Variants in CHRDL1 observed in about 807,000 individuals in gnomAD.
The protein encoded by CHRDL1 is chordin like 1, also known as chordin-like protein 1.
A neutral mutation model predicts 40.9 loss-of-function variants in CHRDL1; 19 were observed. That is an observed-to-expected ratio of 0.46 (90% CI 0.32 to 0.68). CHRDL1 has a LOEUF of 0.68. CHRDL1 is among the 30% of genes least tolerant of loss of function. The probability of loss-of-function intolerance (pLI) is 0.03; values close to 1 mark genes in which losing one functional copy is unlikely to be tolerated. For synonymous variants in CHRDL1, 136 were observed against 123.4 expected (o/e 1.10, Z -0.68); for missense variants, 329 against 352.1 (o/e 0.93, Z 0.53).
intron 2 of CHRDL1, among the ~76,000 whole-genome samples, chrX:110,773,506 A>T (rs1310981795): frequency 9.0e-6 from 1 of 110,585 alleles, no homozygotes; most frequent in Non-Finnish European, 1.9e-5. Flanking sequence ...AGGCGGGCGA[A>T]TCACGAGTTA....
chrX:110,729,372 G>C (rs918806287), intron 4 of CHRDL1, among the ~76,000 whole-genome samples: 1 of 108,058 alleles, frequency 9.3e-6, no homozygotes, highest in East Asian at 2.9e-4. Context: ...GCCTCTTGAT[G>C]TGATGACTTA....
At chrX:110,741,800 C>T (rs1369381190) in intron 4 of CHRDL1, among the ~76,000 whole-genome samples, 1 of 111,918 alleles carries the variant, frequency 8.9e-6, no homozygotes, top group Non-Finnish European at 1.9e-5. Flanking sequence ...ATCACTCCTT[C>T]ATTTGGTGGC....
intron 8 of CHRDL1, among the ~76,000 whole-genome samples, chrX:110,693,052 G>A (rs1171098165): frequency 1.8e-5 from 2 of 111,714 alleles, no homozygotes; most frequent in Non-Finnish European, 3.8e-5. Flanking sequence ...GGAAACAGCT[G>A]AGCCCTTGCT....
rs187346169 is a variant in CHRDL1, at chrX:110,694,738, C to A, written c.610-407G>T. On this transcript the variant is annotated intron_variant, in intron 7 of 11. Transcript: ENST00000372042. Reference sequence around the variant, plus strand: ...TGCAGAAGAAGTAAGCAGTCCTGTGCAAATCAGAAGGAGAAAGAGAGAGCT... The same window carrying A: ...TGCAGAAGAAGTAAGCAGTCCTGTGAAAATCAGAAGGAGAAAGAGAGAGCT... Among the ~76,000 whole-genome samples the A allele has an allele frequency of 3.4e-3, 381 of 112,038 alleles. 1 individual carries two copies. The highest frequency in any genetic ancestry group is 0.012 in the African/African-American group (365 of 30,865).
chrX:110,710,576 T>C (rs1447728129), intron 6 of CHRDL1, among the ~76,000 whole-genome samples: 1 of 112,343 alleles, frequency 8.9e-6, no homozygotes, highest in Admixed American at 9.4e-5. Flanking sequence ...ACTGTCTGAA[T>C]GACTTTCTAT....
At chrX:110,769,306 C>A (rs186417579) in intron 2 of CHRDL1, among the ~76,000 whole-genome samples, 1 of 112,336 alleles carries the variant, frequency 8.9e-6, no homozygotes, top group Admixed American at 9.4e-5. Context: ...ATAATAAACA[C>A]ACAAATTTTC....
chrX:110,794,584 A>G (rs1393572304), intron 1 of CHRDL1, among the ~76,000 whole-genome samples: 2 of 112,874 alleles, frequency 1.8e-5, no homozygotes, highest in Non-Finnish European at 1.9e-5. Context: ...TGAAACAAGC[A>G]TTCACATTGT....
intron 4 of CHRDL1, among the ~76,000 whole-genome samples, chrX:110,735,908 C>G (rs1379465362): frequency 8.9e-6 from 1 of 112,636 alleles, no homozygotes; most frequent in Admixed American, 9.4e-5. Flanking sequence ...GAGCCCATTG[C>G]TATCACATTA....
intron 11 of CHRDL1, among the ~76,000 whole-genome samples, chrX:110,677,127 A>G (rs1485037975): frequency 9.1e-6 from 1 of 109,974 alleles, no homozygotes; most frequent in Non-Finnish European, 1.9e-5. Flanking sequence ...AGTTAAGCCA[A>G]CTCCTCTTAA....
chrX:110,740,361 A>G (rs2071338663), intron 4 of CHRDL1, among the ~76,000 whole-genome samples: 1 of 112,406 alleles, frequency 8.9e-6, no homozygotes, highest in African/African-American at 3.2e-5. Context: ...GCTCTGGCCA[A>G]TGCCAGATGA....
intron 2 of CHRDL1, among the ~76,000 whole-genome samples, chrX:110,774,644 A>G (rs1014165192): frequency 4.5e-5 from 5 of 111,724 alleles, no homozygotes; most frequent in African/African-American, 1.3e-4. Context: ...TTTTTGCTAA[A>G]TGATTAGATT....
At chrX:110,700,608 G>A (rs776757018) in intron 7 of CHRDL1, 46 bp downstream of exon 7, 1 of 879,976 alleles carries the variant, frequency 1.1e-6, no homozygotes, top group East Asian at 3.1e-5. Context: ...GGAAAGCTTG[G>A]CCTGATGCTG....
At chrX:110,775,887 G>A (rs772270275) in intron 2 of CHRDL1, among the ~76,000 whole-genome samples, 3 of 108,558 alleles carry the variant, frequency 2.8e-5, no homozygotes, top group African/African-American at 1.0e-4. Context: ...ATTATACTTC[G>A]TTTAAGAAAG....
Position 110,694,237 on chromosome X carries a change from G to C in CHRDL1, c.704C>G (p.Ala235Gly). 8.3e-7 allele frequency: 1 copy of C among 1,208,348 alleles called. No homozygotes were observed. The highest frequency in any genetic ancestry group is 1.1e-6 in the Non-Finnish European group (1 of 892,368). Residue 235 changes from alanine to glycine, a missense_variant, in exon 8 of 12, where the codon GCT (alanine) becomes GGT (glycine). Ala to Gly is a moderately conservative substitution (Grantham distance 60). Transcript: ENST00000372042. ...TGATGCTTGCTGGGAATCCATAAGAGCTCCCCGGTGACTTCTGGCCCCAGG... is the reference window on the plus strand; with the variant it reads ...TGATGCTTGCTGGGAATCCATAAGACCTCCCCGGTGACTTCTGGCCCCAGG... ...RFPGARSHRG[A>G]LMDSQQASGT...
intron 4 of CHRDL1, among the ~76,000 whole-genome samples, chrX:110,754,794 C>T (rs1191907919): frequency 1.8e-5 from 2 of 110,643 alleles, no homozygotes; most frequent in Non-Finnish European, 3.8e-5. Flanking sequence ...CCCAGGAATG[C>T]TGGAATACCT....
chrX:110,685,399 A>T (rs1172668151), intron 9 of CHRDL1, among the ~76,000 whole-genome samples: 2 of 111,017 alleles, frequency 1.8e-5, no homozygotes, highest in African/African-American at 6.6e-5. Flanking sequence ...AGTAGTTGGG[A>T]CTATGGGCAC....
In CHRDL1 at chrX:110,792,137, C is replaced by T. The variant is rs139302424; in HGVS notation, c.45G>A (p.Ser15=). 1.3e-4 allele frequency: 156 copies of T among 1,201,648 alleles called. No individual in the cohort carries two copies. In the East Asian group the frequency reaches 1.9e-3, roughly 15 times the overall value. Residue 15 remains serine (S), a synonymous_variant, in exon 2 of 12, where the codon TCG becomes TCA. Transcript: ENST00000372042. ...WKMGGMKYIF[S]LLFFLLLEGG... ...CTTCTAGCAAAAGAAAGAACAACAA[C>T]GAAAAGATGTATTTCATGCCTCCCA...
At chrX:110,768,078 G>A (rs2089692419) in intron 2 of CHRDL1, among the ~76,000 whole-genome samples, 1 of 111,905 alleles carries the variant, frequency 8.9e-6, no homozygotes, top group African/African-American at 3.2e-5. Context: ...AAAAGGTTGT[G>A]TTCCCTTTCT....
chrX:110,771,842 T>C (rs1472100032), intron 2 of CHRDL1, among the ~76,000 whole-genome samples: 1 of 111,648 alleles, frequency 9.0e-6, no homozygotes, highest in East Asian at 2.8e-4. Context: ...AAAAGGCCTA[T>C]ATGCTGGAAA....
Sources: gnomAD v4.1 joint callset for allele counts (sites outside exome capture counted in the v4.1 genomes callset) on GRCh38, gnomAD v4.1.1 for gene constraint, MANE v1.5 for transcripts, NCBI Gene and HGNC (gene_info 2026-07-23, HGNC 2026-07-21) for gene names.